RPS6KA2: variants seen among roughly 807,000 people sequenced by gnomAD.
The protein encoded by RPS6KA2 is ribosomal protein S6 kinase alpha-2.
RPS6KA2 carries 42 observed loss-of-function variants against 91.8 expected under a neutral mutation model. That is an observed-to-expected ratio of 0.46 (90% CI 0.36 to 0.59). The LOEUF (loss-of-function observed/expected upper bound fraction) is 0.59, where lower values mean the gene tolerates loss of function less well. Ranked by LOEUF, RPS6KA2 falls within the 20% of genes least tolerant of loss-of-function variation. The probability of loss-of-function intolerance (pLI) is 0.00; values close to 1 mark genes in which losing one functional copy is unlikely to be tolerated. For synonymous variants in RPS6KA2, 414 were observed against 393.6 expected (o/e 1.05, Z -0.61); for missense variants, 798 against 978.5 (o/e 0.82, Z 2.46).
At chr6:166,636,933 C>A (rs1247828939) in intron 2 of RPS6KA2, among the ~76,000 whole-genome samples, 1 of 152,178 alleles carries the variant, frequency 6.6e-6, no homozygotes, top group Non-Finnish European at 1.5e-5. Context: ...AGAGGCTGTT[C>A]CAAAACCCTG....
chr6:166,647,969 T>C (rs1224332489), intron 2 of RPS6KA2, among the ~76,000 whole-genome samples: 78 of 113,932 alleles, frequency 6.8e-4, no homozygotes, highest in African/African-American at 2.6e-3. Flanking sequence ...CTTACATACA[T>C]ACACACATGC....
intron 12 of RPS6KA2, among the ~76,000 whole-genome samples, chr6:166,453,507 A>T (rs1562504312): frequency 2.0e-5 from 3 of 152,244 alleles, no homozygotes; most frequent in Admixed American, 6.5e-5. Flanking sequence ...ATACAAATGA[A>T]AACCACAATG....
Position 166,852,155 on chromosome 6 carries a change from C to A in RPS6KA2, c.123+6045G>T, listed in dbSNP as rs1305636639. On this transcript the variant is annotated intron_variant, in intron 2 of 21. Coordinates refer to the RPS6KA2 transcript ENST00000503859. This position sits in a 1 kb window ranked among gnomAD's most constrained non-coding sequence, Gnocchi z 4.1. ...CATTTCTGCAAGGACTAAAGTGATT[C>A]TTGTCTGCTGGACAGAGAAACAGTA... Among the ~76,000 whole-genome samples the A allele has an allele frequency of 6.6e-6, 1 of 152,208 alleles. No individual in the cohort carries two copies. The highest frequency in any genetic ancestry group is 1.5e-5 in the Non-Finnish European group (1 of 68,044).
At chr6:166,697,273 G>A (rs1789386645) in intron 2 of RPS6KA2, among the ~76,000 whole-genome samples, 1 of 152,122 alleles carries the variant, frequency 6.6e-6, no homozygotes, top group Non-Finnish European at 1.5e-5. Flanking sequence ...ATAAACCATA[G>A]TGCAACCCAA....
chr6:166,857,359 C>T (rs1009678269), intron 2 of RPS6KA2, among the ~76,000 whole-genome samples: 3 of 152,206 alleles, frequency 2.0e-5, no homozygotes, highest in Non-Finnish European at 2.9e-5. Context: ...CTCCGGCTGC[C>T]TCTGAGAGCG....
Position 166,635,558 on chromosome 6 carries a change from C to T in RPS6KA2, c.124-96774G>A, listed in dbSNP as rs1787209673. ...GGCTAAAGGCCAGTGAGAGCATGGT[C>T]CTGAGGAGGTTCATTTGGCTGCTGT... On this transcript the variant is annotated intron_variant, in intron 2 of 21. Coordinates refer to the RPS6KA2 transcript ENST00000503859. This position sits in a 1 kb window ranked among gnomAD's most constrained non-coding sequence, Gnocchi z 4.8. Among the ~76,000 whole-genome samples, 1 of 152,132 alleles carries T rather than the reference C, an allele frequency of 6.6e-6. No homozygotes were observed. Among genetic ancestry groups the T allele is most frequent in the South Asian group, 2.1e-4 (1 of 4,834 alleles).
At chr6:166,814,930 T>C (rs1779726878) in intron 2 of RPS6KA2, among the ~76,000 whole-genome samples, 2 of 152,320 alleles carry the variant, frequency 1.3e-5, no homozygotes, top group South Asian at 4.1e-4. Context: ...CATATAAATG[T>C]AATGCACTTG....
intron 2 of RPS6KA2, among the ~76,000 whole-genome samples, chr6:166,833,851 T>C (rs74876680): frequency 0.019 from 2,866 of 152,308 alleles, 93 homozygotes; most frequent in African/African-American, 0.065. Flanking sequence ...CATGGATGTA[T>C]GTTTTTATTC....
intron 2 of RPS6KA2, among the ~76,000 whole-genome samples, chr6:166,756,062 G>A (rs112508484): frequency 3.9e-4 from 60 of 152,174 alleles, no homozygotes; most frequent in African/African-American, 1.3e-3. Context: ...TGGCCGAGGC[G>A]GGTGGATCAT....
chr6:166,746,791 G>A lies in RPS6KA2; in HGVS notation c.123+111409C>T, dbSNP rs549011197. ...TGAAGGGGTTCCTTCAACTAAATAG[G>A]GGTTCCTATTGTCTTCAACTAATTT... On this transcript the variant is annotated intron_variant, in intron 2 of 21. Transcript: ENST00000503859. Among the ~76,000 whole-genome samples the A allele has an allele frequency of 3.9e-5, 6 of 152,200 alleles. No individual in the cohort carries two copies. In the South Asian group the frequency reaches 1.0e-3, roughly 26 times the overall value.
Position 166,409,857 on chromosome 6 carries a change from A to AT in RPS6KA2, c.*2904dup, listed in dbSNP as rs1318242619. 1 of 152,600 alleles carries AT rather than the reference A, an allele frequency of 6.6e-6. No individual in the cohort carries two copies. The highest frequency in any genetic ancestry group is 1.5e-5 in the Non-Finnish European group (1 of 68,046). 9.5% of individuals were successfully genotyped at this position (152,600 alleles called of 1,614,324 possible). ...CATTTAATGAACAATACTGGATAAC[A>AT]TTAAGTACTATTATCACTTTAAAAT... is the stretch of plus-strand genomic sequence containing the variant. On this transcript the variant is annotated 3_prime_UTR_variant, in exon 21 of 21. Transcript: ENST00000265678.
Position 166,611,641 on chromosome 6 carries a change from T to C in RPS6KA2, c.99+15280A>G, listed in dbSNP as rs1038832098. 2.0e-4 allele frequency among the ~76,000 whole-genome samples: 31 copies of C among 152,328 alleles called. No homozygotes were observed. In the Middle Eastern group the frequency reaches 0.01, roughly 50 times the overall value. ...GCTTGGCTCATATAACTGAAATATC[T>C]CAAGGTAATGTGGACTTCAAGCTCA... is the stretch of plus-strand genomic sequence containing the variant. On this transcript the variant is annotated intron_variant, in intron 1 of 20. Transcript: ENST00000265678.
intron 3 of RPS6KA2, among the ~76,000 whole-genome samples, chr6:166,522,673 G>A (rs1454961047): frequency 3.9e-5 from 6 of 152,112 alleles, no homozygotes; most frequent in Non-Finnish European, 7.3e-5. Context: ...ATTATATCCC[G>A]AGCAGTCTCC....
At chr6:166,853,419 AGCCTGG>A (rs1780799049) in intron 2 of RPS6KA2, among the ~76,000 whole-genome samples, 2 of 152,316 alleles carry the variant, frequency 1.3e-5, no homozygotes, top group South Asian at 4.1e-4. Context: ...GAGACCCGGG[AGCCTGG>A]GGCTGCCTGG....
intron 2 of RPS6KA2, among the ~76,000 whole-genome samples, chr6:166,710,698 C>T (rs1378432400): frequency 1.3e-5 from 2 of 152,114 alleles, no homozygotes; most frequent in Non-Finnish European, 1.5e-5. Context: ...CAGTTGGAAA[C>T]CCTGGACACT....
At chr6:166,777,971 C>T (rs1459039010) in intron 2 of RPS6KA2, among the ~76,000 whole-genome samples, 1 of 152,142 alleles carries the variant, frequency 6.6e-6, no homozygotes, top group Non-Finnish European at 1.5e-5. Flanking sequence ...AATCTTAATA[C>T]AGTAAATATA....
intron 1 of RPS6KA2, among the ~76,000 whole-genome samples, chr6:166,858,608 A>T (rs1780971422): frequency 6.6e-6 from 1 of 152,222 alleles, no homozygotes; most frequent in Non-Finnish European, 1.5e-5. Context: ...TCATGAAGCT[A>T]AAATACGAAC....
chr6:166,831,030 C>T lies in RPS6KA2; in HGVS notation c.123+27170G>A, dbSNP rs1265668493. On this transcript the variant is annotated intron_variant, in intron 2 of 21. Coordinates refer to the RPS6KA2 transcript ENST00000503859. ...AGGCCTCCCTGGACCCCTGACTCAC[C>T]ACGCATGTGGCCAACCACACCTCTG... 6.6e-5 allele frequency among the ~76,000 whole-genome samples: 10 copies of T among 152,174 alleles called. 1 individual carries two copies. The highest frequency in any genetic ancestry group is 2.4e-4 in the African/African-American group (10 of 41,444).
At chr6:166,429,591 C>T (rs867425511) in intron 16 of RPS6KA2, among the ~76,000 whole-genome samples, 1 of 152,118 alleles carries the variant, frequency 6.6e-6, no homozygotes, top group Non-Finnish European at 1.5e-5. Context: ...GCTGGGATTA[C>T]AGGTGTGTGC....
Sources: allele counts gnomAD v4.1 joint callset (sites outside exome capture counted in the v4.1 genomes callset), GRCh38; gene constraint gnomAD v4.1.1; non-coding constraint Gnocchi (gnomAD v3.1); transcripts MANE v1.5; gene names NCBI Gene and HGNC (gene_info 2026-07-23, HGNC 2026-07-21).